Variants in IL1RAPL2 observed in about 807,000 individuals in gnomAD.
IL1RAPL2 encodes the protein interleukin 1 receptor accessory protein like 2.
A neutral mutation model predicts 44.1 loss-of-function variants in IL1RAPL2; 3 were observed. That is an observed-to-expected ratio of 0.07 (90% CI 0.03 to 0.18). The LOEUF (loss-of-function observed/expected upper bound fraction) is 0.18, where lower values mean the gene tolerates loss of function less well. Among genes scored for constraint, IL1RAPL2 ranks in the 10% least tolerant of loss-of-function variants. The probability of loss-of-function intolerance (pLI) is 1.00; values close to 1 mark genes in which losing one functional copy is unlikely to be tolerated. For synonymous variants in IL1RAPL2, 181 were observed against 178.8 expected (o/e 1.01, Z -0.10); for missense variants, 391 against 496.4 (o/e 0.79, Z 2.02).
rs892696095 is a variant in IL1RAPL2, at chrX:104,625,109, A to G, written c.-19-33786A>G. Among the ~76,000 whole-genome samples, 42 of 111,426 alleles carry G rather than the reference A, an allele frequency of 3.8e-4. 1 individual carries two copies. The highest frequency in any genetic ancestry group is 6.5e-5 in the African/African-American group (2 of 30,670). The stretch of plus-strand genomic sequence containing the variant: ...GCTTGTTCTCCTCTATTAACAACAT[A>G]CTTTGAACTTATCCCTCCCTCACTC... On this transcript the variant is annotated intron_variant, in intron 1 of 10. Coordinates refer to ENST00000372582, the MANE Select transcript of IL1RAPL2 (RefSeq NM_017416.2).
chrX:104,892,350 G>A lies in IL1RAPL2; in HGVS notation c.82+233355G>A. Among the ~76,000 whole-genome samples, 3 of 111,582 alleles carry A rather than the reference G, an allele frequency of 2.7e-5. No individual in the cohort carries two copies. In the South Asian group the frequency reaches 1.1e-3, roughly 42 times the overall value. ...AGATTCCCTCTTTTTCTATTGATTG[G>A]AATCATTTCAGAAGGAATGGTACCA... On this transcript the variant is annotated intron_variant, in intron 2 of 10. Coordinates refer to ENST00000372582, the MANE Select transcript of IL1RAPL2 (RefSeq NM_017416.2).
chrX:105,074,947 A>G (rs1418064746), intron 2 of IL1RAPL2, among the ~76,000 whole-genome samples: 2 of 111,175 alleles, frequency 1.8e-5, no homozygotes, highest in South Asian at 3.8e-4. Context: ...TTGGGCTGAG[A>G]CGATGGGGTT....
At chrX:104,605,952 C>T (rs190615276) in intron 1 of IL1RAPL2, among the ~76,000 whole-genome samples, 62 of 111,739 alleles carry the variant, frequency 5.5e-4, no homozygotes, top group African/African-American at 2.0e-3. Context: ...AGAGGGAGTC[C>T]TCCCTAACTC....
At chrX:104,873,264 G>T (rs1301194617) in intron 2 of IL1RAPL2, among the ~76,000 whole-genome samples, 2 of 110,897 alleles carry the variant, frequency 1.8e-5, no homozygotes, top group East Asian at 5.7e-4. Context: ...TCTCATTTTT[G>T]AGGACTCCAC....
intron 1 of IL1RAPL2, among the ~76,000 whole-genome samples, chrX:104,631,924 T>C (rs1929659616): frequency 9.1e-6 from 1 of 110,401 alleles, no homozygotes; most frequent in African/African-American, 3.3e-5. Flanking sequence ...CCCATGCCTA[T>C]GTCCTGAATG....
intron 2 of IL1RAPL2, among the ~76,000 whole-genome samples, chrX:104,879,963 T>G (rs1923019096): frequency 9.0e-6 from 1 of 111,362 alleles, no homozygotes; most frequent in South Asian, 3.8e-4. Context: ...ACTTGACAAT[T>G]AATTAGGGTA....
intron 1 of IL1RAPL2, among the ~76,000 whole-genome samples, chrX:104,603,539 G>A (rs750173358): frequency 9.0e-6 from 1 of 111,573 alleles, no homozygotes; most frequent in South Asian, 3.8e-4. Flanking sequence ...CCCAATGCAA[G>A]GAAGTTAAGA....
chrX:105,387,093 A>G (rs2147727306), intron 5 of IL1RAPL2, among the ~76,000 whole-genome samples: 1 of 111,479 alleles, frequency 9.0e-6, no homozygotes, highest in African/African-American at 3.2e-5. Context: ...ACTTAACACC[A>G]TGGATATTAG....
intron 5 of IL1RAPL2, among the ~76,000 whole-genome samples, chrX:105,395,399 G>T (rs896336329): frequency 9.1e-6 from 1 of 109,548 alleles, no homozygotes; most frequent in Non-Finnish European, 1.9e-5. Flanking sequence ...GAAAAGAAGA[G>T]ATATTCTTAA....
chrX:104,949,906 G>A (rs757456178), intron 2 of IL1RAPL2, among the ~76,000 whole-genome samples: 140 of 111,543 alleles, frequency 1.3e-3, no homozygotes, highest in African/African-American at 4.5e-3. Flanking sequence ...TTTTTTTGGG[G>A]TGGAGAGTTC....
chrX:104,852,680 G>A (rs1235259405), intron 2 of IL1RAPL2, among the ~76,000 whole-genome samples: 1 of 112,124 alleles, frequency 8.9e-6, no homozygotes, highest in African/African-American at 3.2e-5. Context: ...GGCAAGATAA[G>A]AAGCTAAGTA....
At chrX:105,646,986 C>T (rs1468174048) in intron 6 of IL1RAPL2, among the ~76,000 whole-genome samples, 1 of 112,418 alleles carries the variant, frequency 8.9e-6, no homozygotes, top group Non-Finnish European at 1.9e-5. Context: ...GGTTCTTGGC[C>T]TCAGGGATTC....
chrX:105,621,548 A>G (rs1419542793), intron 6 of IL1RAPL2, among the ~76,000 whole-genome samples: 1 of 111,481 alleles, frequency 9.0e-6, no homozygotes, highest in Non-Finnish European at 1.9e-5. Flanking sequence ...AGGTAAAACA[A>G]ATCTTATTGC....
At chrX:104,895,990 C>CA (rs1030590568) in intron 2 of IL1RAPL2, among the ~76,000 whole-genome samples, 53 of 112,203 alleles carry the variant, frequency 4.7e-4, no homozygotes, top group Non-Finnish European at 9.4e-4. Flanking sequence ...TAGACCTCCT[C>CA]ATTGCTGAGA....
chrX:105,126,774 C>T (rs1045200062), intron 2 of IL1RAPL2, among the ~76,000 whole-genome samples: 3 of 110,645 alleles, frequency 2.7e-5, no homozygotes, highest in Non-Finnish European at 5.7e-5. Flanking sequence ...AGGTTTGTGT[C>T]ATAATGTAGG....
At chrX:105,412,116 G>A (rs764002274) in intron 5 of IL1RAPL2, among the ~76,000 whole-genome samples, 1 of 110,707 alleles carries the variant, frequency 9.0e-6, no homozygotes, top group East Asian at 2.8e-4. Context: ...AATGACAATG[G>A]AAAACACATC....
At chrX:104,716,244 C>T (rs1931563814) in intron 2 of IL1RAPL2, among the ~76,000 whole-genome samples, 1 of 111,541 alleles carries the variant, frequency 9.0e-6, no homozygotes, top group Non-Finnish European at 1.9e-5. Flanking sequence ...AAGATTAAAA[C>T]TAGATCCCTT....
intron 6 of IL1RAPL2, among the ~76,000 whole-genome samples, chrX:105,668,105 G>T (rs1414913567): frequency 1.9e-5 from 2 of 105,397 alleles, no homozygotes; most frequent in African/African-American, 7.0e-5. Context: ...AGAACGAGGG[G>T]GTATAAGTCC....
chrX:105,430,648 G>T (rs1403217082), intron 5 of IL1RAPL2, among the ~76,000 whole-genome samples: 1 of 110,967 alleles, frequency 9.0e-6, no homozygotes, highest in East Asian at 2.9e-4. Context: ...TTGTTGCCAG[G>T]TTTGTATATC....
Sources: gnomAD v4.1 joint callset for allele counts (sites outside exome capture counted in the v4.1 genomes callset) on GRCh38, gnomAD v4.1.1 for gene constraint, MANE v1.5 for transcripts, NCBI Gene and HGNC (gene_info 2026-07-23, HGNC 2026-07-21) for gene names.